GNG12: variants seen among roughly 807,000 people sequenced by gnomAD.
The protein encoded by GNG12 is G protein subunit gamma 12, also known as guanine nucleotide-binding protein G(I)/G(S)/G(O) subunit gamma-12.
For synonymous variants in GNG12, 28 were observed against 29.7 expected, an observed-to-expected ratio of 0.94 and a Z score of 0.19; for missense variants, 69 against 83.8, an observed-to-expected ratio of 0.82 and a Z score of 0.69.
intron 1 of GNG12, among the ~76,000 whole-genome samples, chr1:67,794,247 G>A (rs1400657650): frequency 6.6e-6 from 1 of 152,202 alleles, no homozygotes; most frequent in Non-Finnish European, 1.5e-5. Flanking sequence ...CAGAACCTGG[G>A]CTTGTTGGAA....
rs1646567505 is a variant in GNG12 at position 67,756,239 on chromosome 1, G to C, written c.-27+21219C>G. On this transcript the variant is annotated intron_variant, in intron 2 of 3. Coordinates refer to ENST00000370982, the MANE Select transcript of GNG12 (RefSeq NM_018841.6). ...CTCAGAAGAGTATCTGAACACAAAG[G>C]GTAAGTTTATCATACAGGAAGGGAC... Among the ~76,000 whole-genome samples, 3 of 152,194 alleles carry C rather than the reference G, an allele frequency of 2.0e-5. No homozygotes were observed. In the South Asian group the frequency reaches 6.2e-4, roughly 32 times the overall value.
chr1:67,751,941 C>A (rs1646541194), intron 2 of GNG12, among the ~76,000 whole-genome samples: 1 of 152,178 alleles, frequency 6.6e-6, no homozygotes, highest in Admixed American at 6.5e-5. Context: ...AACAGAGATG[C>A]CAGGTTAATG....
chr1:67,793,514 A>T (rs760797699), intron 1 of GNG12, among the ~76,000 whole-genome samples: 7 of 152,178 alleles, frequency 4.6e-5, no homozygotes, highest in Non-Finnish European at 1.0e-4. Context: ...GTATTTGGTC[A>T]TTCAAGTCAA....
In GNG12 at chr1:67,732,253, T is replaced by C. The variant is rs909957046; in HGVS notation, c.-26-24541A>G. Among the ~76,000 whole-genome samples the C allele has an allele frequency of 2.6e-5, 4 of 152,368 alleles. No homozygotes were observed. In the East Asian group the frequency reaches 5.8e-4, roughly 22 times the overall value. ...GTGAGGAATATTGTCCCACATCCTA[T>C]GTTCTCAAAAGAACTGACTATCGGG... On this transcript the variant is annotated intron_variant, in intron 2 of 3. Transcript: ENST00000370982.
At chr1:67,778,913 C>A (rs1482977217) in intron 1 of GNG12, among the ~76,000 whole-genome samples, 1 of 152,104 alleles carries the variant, frequency 6.6e-6, no homozygotes. Flanking sequence ...ATTGGATGCA[C>A]CAGCAAATTA....
intron 1 of GNG12, among the ~76,000 whole-genome samples, chr1:67,820,847 G>A (rs950260945): frequency 1.3e-5 from 2 of 152,058 alleles, no homozygotes; most frequent in African/African-American, 4.8e-5. Flanking sequence ...GTTTACTGCC[G>A]GGACACTATA....
chr1:67,772,797 A>T (rs749837812), intron 2 of GNG12: 3 of 152,274 alleles, frequency 2.0e-5, no homozygotes, highest in Non-Finnish European at 2.9e-5. Flanking sequence ...TCAGGCAGGC[A>T]ATCCAATCTG....
At chr1:67,709,890 T>TTA (rs1214788275) in intron 2 of GNG12, among the ~76,000 whole-genome samples, 1 of 114,248 alleles carries the variant, frequency 8.8e-6, no homozygotes, top group East Asian at 2.2e-4. Context: ...ATATATATAG[T>TTA]TATATATATA....
chr1:67,765,629 T>C (rs1557609846), intron 2 of GNG12, among the ~76,000 whole-genome samples: 1 of 152,248 alleles, frequency 6.6e-6, no homozygotes, highest in Non-Finnish European at 1.5e-5. Flanking sequence ...CTGCCTGTTT[T>C]GCATTTTTCT....
intron 2 of GNG12, among the ~76,000 whole-genome samples, chr1:67,710,743 A>G (rs902812416): frequency 7.2e-5 from 11 of 152,080 alleles, no homozygotes; most frequent in African/African-American, 2.2e-4. Flanking sequence ...CCTCATTCTG[A>G]TATCTGCGTT....
At chr1:67,770,105 G>A (rs539928473) in intron 2 of GNG12, among the ~76,000 whole-genome samples, 1 of 152,190 alleles carries the variant, frequency 6.6e-6, no homozygotes, top group Non-Finnish European at 1.5e-5. Context: ...ACCTCAAGAT[G>A]TAACAGATGG....
chr1:67,743,348 CAT>C, intron 2 of GNG12, among the ~76,000 whole-genome samples: 1 of 152,278 alleles, frequency 6.6e-6, no homozygotes, highest in East Asian at 1.9e-4. Flanking sequence ...GGCAAAATAA[CAT>C]AAAAACAACA....
intron 2 of GNG12, among the ~76,000 whole-genome samples, chr1:67,747,572 T>C (rs1426419401): frequency 6.6e-6 from 1 of 152,268 alleles, no homozygotes; most frequent in Non-Finnish European, 1.5e-5. Context: ...ATATTAATTT[T>C]ACATGAAATT....
chr1:67,777,076 T>G (rs183312827), intron 2 of GNG12: 13 of 152,340 alleles, frequency 8.5e-5, no homozygotes, highest in South Asian at 4.1e-4. Context: ...GTATGTTTTA[T>G]GTTGTAGCTG....
At chr1:67,764,757 A>G (rs550166972) in intron 2 of GNG12, among the ~76,000 whole-genome samples, 1 of 152,362 alleles carries the variant, frequency 6.6e-6, no homozygotes, top group South Asian at 2.1e-4. Flanking sequence ...CAAGCAAGGA[A>G]GATGGGTGTT....
intron 2 of GNG12, among the ~76,000 whole-genome samples, chr1:67,728,956 G>T (rs1370951144): frequency 1.3e-5 from 2 of 152,212 alleles, no homozygotes; most frequent in Admixed American, 1.3e-4. Context: ...ATAAGTGACA[G>T]TTAAGAGGTA....
rs1646228676 is a variant in GNG12, at chr1:67,703,772, T to A, written c.*1679A>T. On this transcript the variant is annotated 3_prime_UTR_variant, in exon 4 of 4. Coordinates refer to ENST00000370982, the MANE Select transcript of GNG12 (RefSeq NM_018841.6). ...AACTTGGAGAAATACTGAATAAATG[T>A]GAGCAGTTTGAAAACAGTAATGCAT... The A allele has an allele frequency of 6.6e-6, 1 of 152,230 alleles. No individual in the cohort carries two copies. The allele number at this position is 152,230 out of a possible 1,614,324, so 9.4% of individuals were successfully genotyped here.
At chr1:67,746,523 AG>A (rs1160570140) in intron 2 of GNG12, among the ~76,000 whole-genome samples, 1 of 151,852 alleles carries the variant, frequency 6.6e-6, no homozygotes, top group African/African-American at 2.4e-5. Context: ...ATTCGGAGGG[AG>A]CTATGGGGGC....
rs142223529 is a variant in GNG12, at chr1:67,744,594, G to A, written c.-27+32864C>T. Among the ~76,000 whole-genome samples, 745 of 152,274 alleles carry A rather than the reference G, an allele frequency of 4.9e-3. 6 individuals carry two copies. Among genetic ancestry groups the A allele is most frequent in the African/African-American group, 0.017 (708 of 41,554 alleles). On this transcript the variant is annotated intron_variant, in intron 2 of 3. Coordinates refer to ENST00000370982, the MANE Select transcript of GNG12 (RefSeq NM_018841.6). The stretch of plus-strand genomic sequence containing the variant: ...TGGAAATGGACAGAGACAAGGCACC[G>A]GTTCCAGAATCACACATATGTGACT...
Sources: gnomAD v4.1 joint callset for allele counts (sites outside exome capture counted in the v4.1 genomes callset) on GRCh38, gnomAD v4.1.1 for gene constraint, MANE v1.5 for transcripts, NCBI Gene and HGNC (gene_info 2026-07-23, HGNC 2026-07-21) for gene names.